The following CDON variants were observed in gnomAD, a reference collection of about 807,000 sequenced individuals.
CDON encodes cell adhesion associated, oncogene regulated.
CDON carries 73 observed loss-of-function variants against 120.9 expected under a neutral mutation model. The observed-to-expected ratio is 0.60, with a 90% CI of 0.50 to 0.73. CDON has a LOEUF of 0.73. Among genes scored for constraint, CDON ranks in the 30% least tolerant of loss-of-function variants. The probability of loss-of-function intolerance (pLI) is 0.00; values close to 1 mark genes in which losing one functional copy is unlikely to be tolerated. For synonymous variants in CDON, 566 were observed against 573.5 expected (o/e 0.99, Z 0.19); for missense variants, 1,470 against 1,587.3 (o/e 0.93, Z 1.26).
chr11:125,957,766 G>T lies in CDON; in HGVS notation c.*3176C>A, dbSNP rs187258536. 1 of 152,166 alleles carries T rather than the reference G, an allele frequency of 6.6e-6. No individual in the cohort carries two copies. The highest frequency in any genetic ancestry group is 1.5e-5 in the Non-Finnish European group (1 of 68,032). 9.4% of individuals were successfully genotyped at this position (152,166 alleles called of 1,614,324 possible). On this transcript the variant is annotated 3_prime_UTR_variant, in exon 20 of 20. Coordinates refer to ENST00000531738, the MANE Select transcript of CDON (RefSeq NM_001378964.1). ...TCGACAAAAACACCCAGAAAGAAAG[G>T]CTTTTGCTAAGAACACTTCAAAAGG...
intron 1 of CDON, among the ~76,000 whole-genome samples, chr11:126,050,237 A>G (rs1377506935): frequency 1.3e-5 from 2 of 151,534 alleles, no homozygotes; most frequent in Non-Finnish European, 1.5e-5. Context: ...ACAAAAAAAA[A>G]GCACCCTTAG....
At chr11:125,974,463 TATC>T (rs961597323) in intron 18 of CDON, among the ~76,000 whole-genome samples, 1 of 148,392 alleles carries the variant, frequency 6.7e-6, no homozygotes, top group Non-Finnish European at 1.5e-5. Context: ...CTCCTTATTT[TATC>T]ATTCTCCTTT....
chr11:125,980,872 T>C (rs977047071), intron 17 of CDON, among the ~76,000 whole-genome samples, 177 bp downstream of exon 17: 3 of 152,206 alleles, frequency 2.0e-5, no homozygotes, highest in Non-Finnish European at 4.4e-5. Flanking sequence ...TACCTGGCAA[T>C]AGAAAACAAC....
intron 1 of CDON, among the ~76,000 whole-genome samples, chr11:126,030,789 A>T (rs1304615474): frequency 1.3e-5 from 2 of 152,194 alleles, no homozygotes; most frequent in Non-Finnish European, 1.5e-5. Flanking sequence ...CTGTTTTTTA[A>T]CCCATTGGGC....
Position 126,003,967 on chromosome 11 carries a change from A to C in CDON, c.1961T>G (p.Leu654Trp). Residue 654 changes from leucine (L) to tryptophan (W), a missense_variant, in exon 10 of 20, where the codon TTG becomes TGG. Coordinates refer to ENST00000531738, the MANE Select transcript of CDON (RefSeq NM_001378964.1). Reference protein sequence around the residue: ...ELEPSSLYEVLMVARSAAGEG... With the variant: ...ELEPSSLYEVWMVARSAAGEG... ...ACCTGCTGCGCTTCTTGCTACCATC[A>C]AGACTTCATAAAGACTAGATGGCTC... 1 of 1,614,080 alleles carries C rather than the reference A, an allele frequency of 6.2e-7. No homozygotes were observed. The highest frequency in any genetic ancestry group is 1.7e-5 in the Admixed American group (1 of 60,016).
Position 125,981,970 on chromosome 11 carries a change from CTTTTTTTTTT to C in CDON, c.2996-651_2996-642del, listed in dbSNP as rs61446837. Among the ~76,000 whole-genome samples the C allele has an allele frequency of 6.6e-4, 36 of 54,298 alleles. No homozygotes were observed. In the East Asian group the frequency reaches 0.018, roughly 28 times the overall value. 35.6% of individuals were successfully genotyped at this position (54,298 alleles called of 152,430 possible). On this transcript the variant is annotated intron_variant, in intron 16 of 19. Transcript: ENST00000531738. Reference sequence around the variant, plus strand: ...CAAAGGCAAAAAGTGATTCTATTTTCTTTTTTTTTTTTTTTTTTTTTTTTTTTTTTGAGAT... The same window carrying C: ...CAAAGGCAAAAAGTGATTCTATTTTCTTTTTTTTTTTTTTTTTTTTGAGAT...
At position 126,019,635 on chromosome 11, in the gene CDON, C is replaced by A; in HGVS notation, c.480G>T (p.Trp160Cys). 1 of 1,614,104 alleles carries A rather than the reference C, an allele frequency of 6.2e-7. No individual in the cohort carries two copies. Among genetic ancestry groups the A allele is most frequent in the Non-Finnish European group, 8.5e-7 (1 of 1,179,990 alleles). The stretch of plus-strand genomic sequence containing the variant: ...AGGTCTCACCTGTGGAATGTTCCAG[C>A]CATTTTCCCCGGATTTTATAGCGCA... ...AEVRYKIRGKWLEHSTENYLI... is the reference protein window; with the variant it reads ...AEVRYKIRGKCLEHSTENYLI... The change falls in exon 4 of 20, where the codon TGG becomes TGT. Residue 160 changes from tryptophan (W) to cysteine (C), a missense_variant. By Grantham distance (215) the Trp-to-Cys change is radical. Transcript: ENST00000531738.
Position 126,010,405 on chromosome 11 carries a change from C to T in CDON, c.1488G>A (p.Gly496=), listed in dbSNP as rs1252100959. 4 of 1,614,110 alleles carry T rather than the reference C, an allele frequency of 2.5e-6. No individual in the cohort carries two copies. The highest frequency in any genetic ancestry group is 1.7e-6 in the Non-Finnish European group (2 of 1,180,006). Residue 496 remains glycine (G), a synonymous_variant, in exon 8 of 20, where the codon GGG becomes GGA. Coordinates refer to ENST00000531738, the MANE Select transcript of CDON (RefSeq NM_001378964.1). ...CATTTGCAGCTTCGCAGATGTATTT[C>T]CCCGCATGTTCCTGAGTCACAGCCT... is the stretch of plus-strand genomic sequence containing the variant. ...HIQAVTQEHA[G]KYICEAANEH...
In CDON at chr11:125,997,486, G is replaced by A. The variant is rs976121051; in HGVS notation, c.2159-76C>T. 6.5e-5 allele frequency: 73 copies of A among 1,115,006 alleles called. 1 individual carries two copies. Among genetic ancestry groups the A allele is most frequent in the Non-Finnish European group, 9.2e-5 (69 of 750,372 alleles). 69.1% of individuals were successfully genotyped at this position (1,115,006 alleles called of 1,614,324 possible). A position where few individuals can be genotyped will look rare whatever the true frequency, so the allele number is the denominator to read the frequency against. Reference sequence around the variant, plus strand: ...TAACATAGTTAAATTAAAGGGATAAGTCCCAAACTTCATGTTATTAAAGGT... The same window carrying A: ...TAACATAGTTAAATTAAAGGGATAAATCCCAAACTTCATGTTATTAAAGGT... On this transcript the variant is annotated intron_variant, in intron 11 of 19. Coordinates refer to ENST00000531738, the MANE Select transcript of CDON (RefSeq NM_001378964.1).
chr11:126,004,621 A>C (rs896767827), intron 9 of CDON, among the ~76,000 whole-genome samples: 6 of 152,214 alleles, frequency 3.9e-5, no homozygotes, highest in African/African-American at 1.4e-4. Flanking sequence ...AATGGAACCA[A>C]GAAACAATAT....
At chr11:126,042,711 T>TC (rs1948294571) in intron 1 of CDON, among the ~76,000 whole-genome samples, 1 of 152,190 alleles carries the variant, frequency 6.6e-6, no homozygotes. Flanking sequence ...AACCTCCGCC[T>TC]CCCCAGTTCA....
In CDON at chr11:125,989,754, T is replaced by C; in HGVS notation, c.2656A>G (p.Lys886Glu). 1.9e-6 allele frequency: 3 copies of C among 1,612,668 alleles called. No homozygotes were observed. Among genetic ancestry groups the C allele is most frequent in the Non-Finnish European group, 2.5e-6 (3 of 1,179,058 alleles). The change falls in exon 15 of 20, where the codon AAG (lysine) becomes GAG (glutamate). Residue 886 changes from lysine (K) to glutamate (E), a missense_variant. Transcript: ENST00000531738. The part of the protein sequence containing the change: ...DYKRDVVEGS[K>E]QWHMIGHLQP... ...AGGTGGCCAATCATGTGCCACTGCT[T>C]TGAACCTAAAAGGAAAAATAAAAGG...
chr11:126,060,563 A>AAG lies in CDON; in HGVS notation c.-62+2015_-62+2016insCT, dbSNP rs202000630. 1.2e-4 allele frequency among the ~76,000 whole-genome samples: 19 copies of AAG among 152,220 alleles called. 1 individual carries two copies. The highest frequency in any genetic ancestry group is 4.6e-4 in the African/African-American group (19 of 41,530). ...TTAGTCTAAACGTTCGTGGAAAAAAAAAAATTCTACAGAAGGAAAATTTTA... is the reference window on the plus strand; with the variant it reads ...TTAGTCTAAACGTTCGTGGAAAAAAAAGAAAATTCTACAGAAGGAAAATTTTA... On this transcript the variant is annotated intron_variant, in intron 1 of 19. Coordinates refer to ENST00000531738, the MANE Select transcript of CDON (RefSeq NM_001378964.1).
chr11:126,020,436 G>C (rs1947599745), intron 3 of CDON, among the ~76,000 whole-genome samples: 1 of 152,226 alleles, frequency 6.6e-6, no homozygotes, highest in Non-Finnish European at 1.5e-5. Flanking sequence ...GACGGAGCCT[G>C]CAGGGGACTC....
In CDON at chr11:126,017,287, A is replaced by G. The variant is rs768757634; in HGVS notation, c.729T>C (p.Cys243=). ...GAGGAGCCGGGACCCCACTCACCACACACTCCAAGGTTACAGGGCTACGAG... is the reference window on the plus strand; with the variant it reads ...GAGGAGCCGGGACCCCACTCACCACGCACTCCAAGGTTACAGGGCTACGAG... ...VLSRSPVTLE[C]VVSGVPAPQV... is the part of the protein sequence containing the mutation. The change falls in exon 6 of 20, where the codon TGT becomes TGC. Residue 243 remains cysteine, a synonymous_variant. Coordinates refer to ENST00000531738, the MANE Select transcript of CDON (RefSeq NM_001378964.1). The G allele has an allele frequency of 6.2e-7, 1 of 1,614,092 alleles. No homozygotes were observed. The highest frequency in any genetic ancestry group is 2.2e-5 in the East Asian group (1 of 44,878).
At chr11:126,005,009 G>T (rs1232341768) in intron 9 of CDON, among the ~76,000 whole-genome samples, 3 of 152,108 alleles carry the variant, frequency 2.0e-5, no homozygotes, top group African/African-American at 7.2e-5. Context: ...CAATTAAAAA[G>T]GCAACTTGAA....
chr11:126,038,620 C>T (rs903621707), intron 1 of CDON, among the ~76,000 whole-genome samples: 1 of 151,796 alleles, frequency 6.6e-6, no homozygotes, highest in African/African-American at 2.4e-5. Flanking sequence ...CCACTGCACT[C>T]CAGCCTGGGC....
chr11:125,964,266 A>G (rs1257818009), intron 18 of CDON, among the ~76,000 whole-genome samples: 1 of 152,242 alleles, frequency 6.6e-6, no homozygotes, highest in Non-Finnish European at 1.5e-5. Context: ...ATACATCTAT[A>G]TAACTAACCT....
chr11:125,997,481 GA>G lies in CDON; in HGVS notation c.2159-72del, dbSNP rs1191010538. On this transcript the variant is annotated intron_variant, in intron 11 of 19. Transcript: ENST00000531738. ...AAGAATAACATAGTTAAATTAAAGG[GA>G]TAAGTCCCAAACTTCATGTTATTAA... 4.1e-5 allele frequency: 48 copies of G among 1,164,028 alleles called. No homozygotes were observed. In the Admixed American group the frequency reaches 6.9e-4, roughly 17 times the overall value. The allele number at this position is 1,164,028 out of a possible 1,614,324, so 72.1% of individuals were successfully genotyped here. A position where few individuals can be genotyped will look rare whatever the true frequency, so the allele number is the denominator to read the frequency against.
Sources: allele counts gnomAD v4.1 joint callset (sites outside exome capture counted in the v4.1 genomes callset), GRCh38; gene constraint gnomAD v4.1.1; transcripts MANE v1.5; gene names NCBI Gene and HGNC (gene_info 2026-07-23, HGNC 2026-07-21).